SENP1: variants seen among roughly 807,000 people sequenced by gnomAD.
SENP1 encodes SUMO specific peptidase 1, also known as sentrin-specific protease 1.
SENP1 carries 21 observed loss-of-function variants against 93.0 expected under a neutral mutation model. That is an observed-to-expected ratio of 0.23 (90% CI 0.16 to 0.33). The LOEUF is 0.33. SENP1 is among the 10% of genes least tolerant of loss of function. SENP1 has a pLI of 1.00. For missense variants in SENP1, 591 were observed against 758.7 expected, an observed-to-expected ratio of 0.78 and a Z score of 2.60; for synonymous variants, 256 against 259.6, an observed-to-expected ratio of 0.99 and a Z score of 0.13.
At chr12:48,089,099 A>T in intron 4 of SENP1, 139 bp from the exon 5 acceptor site, 1 of 1,553,768 alleles carries the variant, frequency 6.4e-7, no homozygotes, top group Non-Finnish European at 8.7e-7. Flanking sequence ...TCCCAGTCTC[A>T]ACTGCCAGTA....
chr12:48,098,125 C>T lies in SENP1; in HGVS notation c.5-1G>A. ...ATCCTCATCCTATCAGCAATATCAT[C>T]TGGGGAGACAGTCTGGATTAGTTCA... On this transcript the variant is annotated splice_acceptor_variant, in intron 2 of 17. Transcript: ENST00000549518. LOFTEE classifies it high-confidence loss of function. The T allele has an allele frequency of 6.2e-7, 1 of 1,612,970 alleles. No individual in the cohort carries two copies. The highest frequency in any genetic ancestry group is 8.5e-7 in the Non-Finnish European group (1 of 1,179,308).
intron 3 of SENP1, among the ~76,000 whole-genome samples, chr12:48,097,018 A>G (rs1945616696): frequency 6.6e-6 from 1 of 152,124 alleles, no homozygotes; most frequent in South Asian, 2.1e-4. Flanking sequence ...TATTAATACT[A>G]CATACTAACA....
At chr12:48,077,739 C>T (rs560858738) in intron 6 of SENP1, among the ~76,000 whole-genome samples, 6 of 152,104 alleles carry the variant, frequency 3.9e-5, no homozygotes, top group Non-Finnish European at 8.8e-5. Context: ...CCACTCCCCC[C>T]ACCCCACGAC....
chr12:48,075,055 T>TAA (rs369422900), intron 6 of SENP1, among the ~76,000 whole-genome samples: 8 of 144,444 alleles, frequency 5.5e-5, no homozygotes, highest in African/African-American at 1.0e-4. Context: ...AAAGAAAACT[T>TAA]AAAAAAAAAA....
chr12:48,105,916 G>A (rs1946529336), intron 1 of SENP1, 112 bp downstream of exon 1: 1 of 657,500 alleles, frequency 1.5e-6, no homozygotes, highest in Non-Finnish European at 2.8e-6. Context: ...GCCCCACAGT[G>A]CTCCCCGCTT....
At position 48,048,929 on chromosome 12, in the gene SENP1, A is replaced by G. The variant is rs1185773681; in HGVS notation, c.1611T>C (p.Ala537=). 3.7e-6 allele frequency: 6 copies of G among 1,611,016 alleles called. No individual in the cohort carries two copies. Among genetic ancestry groups the G allele is most frequent in the Non-Finnish European group, 4.2e-6 (5 of 1,177,560 alleles). The part of the protein sequence containing the change: ...PIHLGVHWCL[A]VVDFRKKNIT... ...TATCAAAAATGAAAGGGGTACTCACAGCTAGACACCAGTGTACTCCCAGGT... is the reference window on the plus strand; with the variant it reads ...TATCAAAAATGAAAGGGGTACTCACGGCTAGACACCAGTGTACTCCCAGGT... The change falls in exon 14 of 18, where the codon GCT becomes GCC. Residue 537 remains alanine, a splice_region_variant and synonymous_variant. Coordinates refer to ENST00000549518, the MANE Select transcript of SENP1 (RefSeq NM_001267594.2).
chr12:48,082,475 A>T (rs1278770925), intron 6 of SENP1, among the ~76,000 whole-genome samples: 1 of 152,170 alleles, frequency 6.6e-6, no homozygotes, highest in Non-Finnish European at 1.5e-5. Flanking sequence ...TAATCTGTAA[A>T]ACATGACTAT....
At chr12:48,089,458 T>C (rs12306451) in intron 4 of SENP1, among the ~76,000 whole-genome samples, 25,394 of 152,228 alleles carry the variant, frequency 0.17, 2,441 homozygotes, top group East Asian at 0.28. Flanking sequence ...AGAGATAACC[T>C]AATTGCTGCT....
intron 9 of SENP1, among the ~76,000 whole-genome samples, chr12:48,069,962 C>T (rs1031067192): frequency 6.6e-6 from 1 of 152,208 alleles, no homozygotes; most frequent in Non-Finnish European, 1.5e-5. Flanking sequence ...ATATTATTCT[C>T]ATCCTAGCAA....
chr12:48,085,317 C>T, intron 5 of SENP1: 1 of 1,490,378 alleles, frequency 6.7e-7, no homozygotes, highest in Admixed American at 1.7e-5. Flanking sequence ...GCACTCTATC[C>T]CTACTGTCCT....
intron 1 of SENP1, among the ~76,000 whole-genome samples, chr12:48,104,277 A>G (rs917623811): frequency 0.011 from 322 of 30,534 alleles, no homozygotes; most frequent in Non-Finnish European, 0.013. Flanking sequence ...GGGGGGGCGG[A>G]GGGAGGGAGA....
chr12:48,063,765 G>C lies in SENP1; in HGVS notation c.1352C>G (p.Thr451Ser). 1 of 1,613,034 alleles carries C rather than the reference G, an allele frequency of 6.2e-7. No individual in the cohort carries two copies. The highest frequency in any genetic ancestry group is 8.5e-7 in the Non-Finnish European group (1 of 1,179,340). ...DEVLSEAFRL[T>S]ITRKDIQTLN... ...AGTTTGAATATCTTTGCGTGTAATG[G>C]TCAGGCGAAATGCTTCACTGAGAAC... Residue 451 changes from threonine (T) to serine (S), a missense_variant, in exon 13 of 18, where the codon ACC (threonine) becomes AGC (serine). By Grantham distance (58) the Thr-to-Ser change is moderately conservative. Coordinates refer to ENST00000549518, the MANE Select transcript of SENP1 (RefSeq NM_001267594.2).
intron 1 of SENP1, among the ~76,000 whole-genome samples, chr12:48,103,323 C>A (rs1034940025): frequency 6.6e-6 from 1 of 152,186 alleles, no homozygotes; most frequent in Non-Finnish European, 1.5e-5. Flanking sequence ...AAAAAGAAGA[C>A]AAGAATCCAT....
chr12:48,088,598 A>C (rs2137195476), intron 5 of SENP1: 1 of 557,372 alleles, frequency 1.8e-6, no homozygotes, highest in East Asian at 3.1e-5. Flanking sequence ...TCTCTCTTCT[A>C]GTAAGATCTG....
rs997813794 is a variant in SENP1 at position 48,045,075 on chromosome 12, GTC to G, written c.*245_*246del. The G allele has an allele frequency of 2.1e-6, 1 of 468,916 alleles. No homozygotes were observed. The highest frequency in any genetic ancestry group is 3.9e-6 in the Non-Finnish European group (1 of 259,592). 29.0% of individuals were successfully genotyped at this position (468,916 alleles called of 1,614,324 possible). A position where few individuals can be genotyped will look rare whatever the true frequency, so the allele number is the denominator to read the frequency against. On this transcript the variant is annotated 3_prime_UTR_variant, in exon 18 of 18. Coordinates refer to ENST00000549518, the MANE Select transcript of SENP1 (RefSeq NM_001267594.2). ...GGCAGAACTGAAGAAGTGAAAAGCA[GTC>G]TCTCTCTTCAGCTTAGGGATGTCCC... is the stretch of plus-strand genomic sequence containing the variant.
chr12:48,091,852 T>C (rs1381769218), intron 4 of SENP1, among the ~76,000 whole-genome samples: 1 of 151,990 alleles, frequency 6.6e-6, no homozygotes, highest in Non-Finnish European at 1.5e-5. Context: ...GTAATTTATT[T>C]TTATTTTTTG....
At chr12:48,097,186 A>G (rs1772380525) in intron 3 of SENP1, among the ~76,000 whole-genome samples, 1 of 152,218 alleles carries the variant, frequency 6.6e-6, no homozygotes, top group Non-Finnish European at 1.5e-5. Flanking sequence ...AACACATATT[A>G]AAAAGGTTGA....
chr12:48,081,989 C>T (rs1280892714), intron 6 of SENP1, among the ~76,000 whole-genome samples: 3 of 152,012 alleles, frequency 2.0e-5, no homozygotes, highest in Admixed American at 1.3e-4. Context: ...CCTGGGTTCA[C>T]GCCATTCTCC....
chr12:48,079,021 T>G lies in SENP1; in HGVS notation c.553-4228A>C, dbSNP rs1336167713. 3.3e-5 allele frequency among the ~76,000 whole-genome samples: 5 copies of G among 152,138 alleles called. No homozygotes were observed. In the East Asian group the frequency reaches 9.6e-4, roughly 29 times the overall value. On this transcript the variant is annotated intron_variant, in intron 6 of 17. Transcript: ENST00000549518. ...TTTAAAAATTAGCTGCATATTAGCA[T>G]GTGCCTGTAGTTGCAGCTACTCAGA... is the stretch of plus-strand genomic sequence containing the variant.
Sources: gnomAD v4.1 joint callset for allele counts (sites outside exome capture counted in the v4.1 genomes callset) on GRCh38, gnomAD v4.1.1 for gene constraint, MANE v1.5 for transcripts, NCBI Gene and HGNC (gene_info 2026-07-23, HGNC 2026-07-21) for gene names.